RGS8: variants seen among roughly 807,000 people sequenced by gnomAD.
RGS8 encodes regulator of G protein signaling 8, also known as regulator of G-protein signaling 8.
RGS8 carries 8 observed loss-of-function variants against 21.7 expected under a neutral mutation model. The observed-to-expected ratio is 0.37, with a 90% CI of 0.22 to 0.66. The LOEUF (loss-of-function observed/expected upper bound fraction) is 0.66, where lower values mean the gene tolerates loss of function less well. RGS8 is among the 30% of genes least tolerant of loss of function. RGS8 has a pLI of 0.59. For missense variants in RGS8, 157 were observed against 217.9 expected, an observed-to-expected ratio of 0.72 and a Z score of 1.76; for synonymous variants, 80 against 83.6, an observed-to-expected ratio of 0.96 and a Z score of 0.24.
At chr1:182,690,535 C>A in the RGS8 span, among the ~76,000 whole-genome samples, 3 of 152,178 alleles carry the variant, frequency 2.0e-5, no homozygotes, top group Non-Finnish European at 4.4e-5. Flanking sequence ...CATTTAAATT[C>A]TTTGGGTCCC....
intron 5 of RGS8, among the ~76,000 whole-genome samples, chr1:182,655,949 T>C (rs946050009): frequency 6.6e-6 from 1 of 152,166 alleles, no homozygotes. Context: ...GGCATGACCT[T>C]GGAAAAGTGC....
the RGS8 span, among the ~76,000 whole-genome samples, chr1:182,731,472 A>G: frequency 6.6e-6 from 1 of 152,260 alleles, no homozygotes; most frequent in African/African-American, 2.4e-5. Context: ...ATTATAACGA[A>G]AACATTTCCT....
the RGS8 span, among the ~76,000 whole-genome samples, chr1:182,699,372 T>C: frequency 6.6e-6 from 1 of 151,846 alleles, no homozygotes; most frequent in Non-Finnish European, 1.5e-5. Flanking sequence ...GAGGAGGAGG[T>C]GGTTTCTGCA....
chr1:182,691,406 G>A, the RGS8 span, among the ~76,000 whole-genome samples: 1 of 152,062 alleles, frequency 6.6e-6, no homozygotes, highest in Admixed American at 6.6e-5. Flanking sequence ...GTTTACTTGT[G>A]AGAATCTGAA....
At chr1:182,650,455 C>G (rs1258186793) in intron 5 of RGS8, among the ~76,000 whole-genome samples, 1 of 152,208 alleles carries the variant, frequency 6.6e-6, no homozygotes, top group Non-Finnish European at 1.5e-5. Context: ...AAAGCCACAT[C>G]TTTACTTGCA....
chr1:182,644,066 G>A (rs1010039856), downstream of RGS8: 6 of 152,452 alleles, frequency 3.9e-5, no homozygotes, highest in Non-Finnish European at 7.3e-5. Context: ...ATGGGCTTGC[G>A]GAAGAGGCAA....
At chr1:182,663,105 T>G (rs1571331578) in intron 5 of RGS8, among the ~76,000 whole-genome samples, 1 of 152,224 alleles carries the variant, frequency 6.6e-6, no homozygotes, top group East Asian at 1.9e-4. Context: ...TCTTTGCTTC[T>G]TAGGACATGT....
intron 5 of RGS8, among the ~76,000 whole-genome samples, chr1:182,663,635 A>G (rs1663709303): frequency 6.6e-6 from 1 of 152,060 alleles, no homozygotes; most frequent in Non-Finnish European, 1.5e-5. Flanking sequence ...CTTCAGCAAA[A>G]TCCTCCTGCC....
At chr1:182,708,465 C>T in the RGS8 span, among the ~76,000 whole-genome samples, 6 of 152,212 alleles carry the variant, frequency 3.9e-5, no homozygotes, top group Non-Finnish European at 2.9e-5. Context: ...ACCTGGGCTC[C>T]CCACACCCCT....
chr1:182,672,062 G>A (rs1399487337), upstream of RGS8: 1 of 417,412 alleles, frequency 2.4e-6, no homozygotes, highest in Non-Finnish European at 3.9e-6. Flanking sequence ...CTGCAGCTCA[G>A]GGAGAAGTCC....
chr1:182,667,561 T>C (rs971151791), intron 3 of RGS8, among the ~76,000 whole-genome samples: 3 of 152,350 alleles, frequency 2.0e-5, no homozygotes, highest in African/African-American at 4.8e-5. Flanking sequence ...GAGTAATTGG[T>C]ACAATCAGCA....
At chr1:182,710,853 AG>A in the RGS8 span, among the ~76,000 whole-genome samples, 1 of 152,212 alleles carries the variant, frequency 6.6e-6, no homozygotes, top group Non-Finnish European at 1.5e-5. Context: ...CTCTCCAAAA[AG>A]AAACCTCTCA....
chr1:182,733,072 A>G, the RGS8 span, among the ~76,000 whole-genome samples: 2 of 152,244 alleles, frequency 1.3e-5, no homozygotes, highest in Admixed American at 1.3e-4. Context: ...ATGGTTTCGC[A>G]GTCTGCTCTG....
intron 5 of RGS8, among the ~76,000 whole-genome samples, chr1:182,661,468 A>C (rs1663582906): frequency 6.6e-6 from 1 of 152,002 alleles, no homozygotes; most frequent in Non-Finnish European, 1.5e-5. Flanking sequence ...AACTGGAATA[A>C]ATCTAACTTT....
chr1:182,650,715 G>A (rs1662969987), intron 5 of RGS8, among the ~76,000 whole-genome samples: 1 of 152,186 alleles, frequency 6.6e-6, no homozygotes, highest in African/African-American at 2.4e-5. Flanking sequence ...ACAAAAATTA[G>A]CCAGCTGTGG....
chr1:182,714,756 T>C, the RGS8 span, among the ~76,000 whole-genome samples: 1 of 152,220 alleles, frequency 6.6e-6, no homozygotes, highest in East Asian at 1.9e-4. Context: ...GTTTTGATAA[T>C]AGTTTCCATA....
At chr1:182,727,405 T>C in the RGS8 span, among the ~76,000 whole-genome samples, 1,714 of 152,376 alleles carry the variant, frequency 0.011, 13 homozygotes, top group Non-Finnish European at 0.02. Flanking sequence ...ATGTCTGGAA[T>C]GAAGACAATT....
chr1:182,700,844 T>C, the RGS8 span, among the ~76,000 whole-genome samples: 9 of 152,214 alleles, frequency 5.9e-5, no homozygotes, highest in Admixed American at 2.0e-4. Context: ...ACTACTTACA[T>C]TGGAGGAAAT....
intron 5 of RGS8, among the ~76,000 whole-genome samples, chr1:182,649,645 A>T (rs974853689): frequency 6.6e-6 from 1 of 152,214 alleles, no homozygotes; most frequent in Non-Finnish European, 1.5e-5. Flanking sequence ...TTACCATGTC[A>T]AGTTAGAAAG....
Sources: gnomAD v4.1 joint callset for allele counts (sites outside exome capture counted in the v4.1 genomes callset) on GRCh38, gnomAD v4.1.1 for gene constraint, MANE v1.5 for transcripts, NCBI Gene and HGNC (gene_info 2026-07-23, HGNC 2026-07-21) for gene names.